Variants in COL5A1 observed in about 807,000 individuals in gnomAD.
COL5A1 encodes the protein collagen alpha-1(V) chain.
A neutral mutation model predicts 263.7 loss-of-function variants in COL5A1; 16 were observed. That is an observed-to-expected ratio of 0.06 (90% CI 0.04 to 0.09). The LOEUF is 0.09. COL5A1 is among the 10% of genes least tolerant of loss of function. The pLI is 1.00. For missense variants in COL5A1, 2,036 were observed against 2,540.5 expected, an observed-to-expected ratio of 0.80 and a Z score of 4.27; for synonymous variants, 1,012 against 1,004.5, an observed-to-expected ratio of 1.01 and a Z score of -0.14.
intron 11 of COL5A1, among the ~76,000 whole-genome samples, chr9:134,746,587 C>T (rs983690698): frequency 6.6e-6 from 1 of 152,226 alleles, no homozygotes; most frequent in African/African-American, 2.4e-5. Context: ...TCTGGACGTC[C>T]TCAGGAAAGA....
chr9:134,759,733 T>TAC (rs565632737), intron 18 of COL5A1, among the ~76,000 whole-genome samples: 1 of 41,134 alleles, frequency 2.4e-5, no homozygotes, highest in African/African-American at 1.2e-4. Context: ...CCCACACTCA[T>TAC]ACACACACAC....
intron 2 of COL5A1, among the ~76,000 whole-genome samples, chr9:134,698,052 C>T (rs1260200074): frequency 2.0e-5 from 3 of 152,202 alleles, no homozygotes; most frequent in Non-Finnish European, 2.9e-5. Context: ...CCACTGCACT[C>T]CAACCTGGGC....
intron 1 of COL5A1, among the ~76,000 whole-genome samples, chr9:134,685,507 T>TCCATC (rs143525729): frequency 3.1e-3 from 2 of 640 alleles, no homozygotes; most frequent in Non-Finnish European, 6.0e-3. Context: ...CATCCATCCA[T>TCCATC]CACCATCCAT....
intron 4 of COL5A1, among the ~76,000 whole-genome samples, 200 bp from the exon 5 acceptor site, chr9:134,727,066 T>TGGATGGATGGATGGGC (rs1834689658): frequency 6.8e-6 from 1 of 147,592 alleles, no homozygotes; most frequent in Non-Finnish European, 1.5e-5. Context: ...GATGGATGGA[T>TGGATGGATGGATGGGC]GGATGGATGG....
chr9:134,715,157 A>G (rs1194856359), intron 4 of COL5A1, among the ~76,000 whole-genome samples: 1 of 152,010 alleles, frequency 6.6e-6, no homozygotes, highest in Non-Finnish European at 1.5e-5. Flanking sequence ...TGGCAGGACA[A>G]TAGGGTAATA....
intron 1 of COL5A1, among the ~76,000 whole-genome samples, chr9:134,689,198 TG>T (rs1833184382): frequency 6.6e-6 from 1 of 152,170 alleles, no homozygotes; most frequent in Non-Finnish European, 1.5e-5. Context: ...AGGCTGCAGG[TG>T]CCCCTGGCTG....
At chr9:134,750,506 C>A (rs751627945) in intron 11 of COL5A1, 36 bp from the exon 12 acceptor site, 2 of 1,597,286 alleles carry the variant, frequency 1.3e-6, no homozygotes, top group Non-Finnish European at 1.7e-6. Context: ...GGCCTGGTTG[C>A]ACTCTGACTT....
chr9:134,701,769 G>T (rs1454742104), intron 4 of COL5A1, among the ~76,000 whole-genome samples: 2 of 152,202 alleles, frequency 1.3e-5, no homozygotes, highest in Admixed American at 1.3e-4. Flanking sequence ...GCACCAGGGA[G>T]ACCTGTGCCG....
chr9:134,651,878 T>C (rs994342254), intron 1 of COL5A1, among the ~76,000 whole-genome samples: 9 of 152,240 alleles, frequency 5.9e-5, no homozygotes, highest in Non-Finnish European at 1.2e-4. Flanking sequence ...TTGTTTTCTT[T>C]CTTTGGGGAT....
At chr9:134,816,128 A>G (rs1838735865) in intron 52 of COL5A1, 140 bp downstream of exon 52, 2 of 809,726 alleles carry the variant, frequency 2.5e-6, no homozygotes, top group South Asian at 2.9e-5. Context: ...CCCTTATGAT[A>G]TTGATTCCCT....
intron 45 of COL5A1, 46 bp downstream of exon 45, chr9:134,811,438 C>G (rs375056817): frequency 5.0e-6 from 8 of 1,613,278 alleles, no homozygotes; most frequent in East Asian, 2.2e-5. Flanking sequence ...CACGCCCCCC[C>G]AGAGCTGCTG....
intron 2 of COL5A1, among the ~76,000 whole-genome samples, chr9:134,695,297 G>A (rs1833419738): frequency 6.6e-6 from 1 of 152,072 alleles, no homozygotes; most frequent in Admixed American, 6.5e-5. Flanking sequence ...TGGCTCTCCT[G>A]CACCCTGGGG....
chr9:134,691,664 G>C (rs999127960), intron 2 of COL5A1: 1 of 156,708 alleles, frequency 6.4e-6, no homozygotes, highest in Non-Finnish European at 1.4e-5. Flanking sequence ...GTCGTGGGGC[G>C]GCACCTGCCA....
In COL5A1 at chr9:134,696,305, T is replaced by C. The variant is rs1235101041; in HGVS notation, c.278-3604T>C. ...TCTCCTGCCTCAGCCCCCCGAGTAG[T>C]TGGGATTACAGGTGTGTGCCACCAC... On this transcript the variant is annotated intron_variant, in intron 2 of 65. Coordinates refer to ENST00000371817, the MANE Select transcript of COL5A1 (RefSeq NM_000093.5). The surrounding 1 kb of genome is among the most constrained non-coding windows in gnomAD (Gnocchi z 4.3). Among the ~76,000 whole-genome samples the C allele has an allele frequency of 6.6e-6, 1 of 151,964 alleles. No homozygotes were observed. Among genetic ancestry groups the C allele is most frequent in the Non-Finnish European group, 1.5e-5 (1 of 67,974 alleles).
At chr9:134,724,698 G>C (rs1023410080) in intron 4 of COL5A1, among the ~76,000 whole-genome samples, 4 of 152,230 alleles carry the variant, frequency 2.6e-5, no homozygotes, top group Admixed American at 2.6e-4. Context: ...TGACTCGCCA[G>C]GGTCAGAAGT....
chr9:134,839,891 G>A (rs1340881064), intron 65 of COL5A1, among the ~76,000 whole-genome samples: 1 of 152,236 alleles, frequency 6.6e-6, no homozygotes, highest in Non-Finnish European at 1.5e-5. Context: ...GGAGAGCTGT[G>A]GCCACCCCCA....
At position 134,818,807 on chromosome 9, in the gene COL5A1, C is replaced by T. The variant is rs553985401; in HGVS notation, c.4339-41C>T. The T allele has an allele frequency of 1.7e-4, 274 of 1,612,466 alleles. 1 individual carries two copies. The highest frequency in any genetic ancestry group is 2.2e-4 in the Non-Finnish European group (254 of 1,179,422). The stretch of plus-strand genomic sequence containing the variant: ...GCAGAGGGGTTGCCGAGTGGAGGGA[C>T]GGGGGACCAGCAACTCATGCAGAGC... On this transcript the variant is annotated intron_variant, in intron 55 of 65. Transcript: ENST00000371817. This position sits in a 1 kb window ranked among gnomAD's most constrained non-coding sequence, Gnocchi z 6.0.
rs2132760078 is a variant in COL5A1, at chr9:134,780,117, C to T, written c.2401C>T (p.Arg801Cys). The stretch of plus-strand genomic sequence containing the variant: ...ACCCGCACAGGGGGCCGATGGCATC[C>T]GTGGTCTGAAGGGCACAAAGGGCGA... ...PRGVKGADGI[R>C]GLKGTKGEKG... Residue 801 changes from arginine (R) to cysteine (C), a missense_variant, in exon 28 of 66, where the codon CGT becomes TGT. By Grantham distance (180) the Arg-to-Cys change is radical. Transcript: ENST00000371817. The T allele has an allele frequency of 3.1e-6, 5 of 1,613,480 alleles. No homozygotes were observed. The highest frequency in any genetic ancestry group is 3.4e-6 in the Non-Finnish European group (4 of 1,180,044).
At chr9:134,835,777 C>T (rs1431648194) in intron 65 of COL5A1, among the ~76,000 whole-genome samples, 1 of 152,240 alleles carries the variant, frequency 6.6e-6, no homozygotes, top group Non-Finnish European at 1.5e-5. Context: ...TATTGGCGCT[C>T]ATACCCATGG....
Sources: gnomAD v4.1 joint callset for allele counts (sites outside exome capture counted in the v4.1 genomes callset) on GRCh38, gnomAD v4.1.1 for gene constraint, Gnocchi (gnomAD v3.1) non-coding constraint, MANE v1.5 for transcripts, NCBI Gene and HGNC (gene_info 2026-07-23, HGNC 2026-07-21) for gene names.